Variants in ZFP28 observed in about 807,000 individuals in gnomAD.
ZFP28 encodes the protein ZFP28 zinc finger protein.
ZFP28 carries 31 observed loss-of-function variants against 39.5 expected under a neutral mutation model. The ratio of observed to expected loss-of-function variants is 0.79; its 90% CI spans 0.59 to 1.06. The LOEUF (loss-of-function observed/expected upper bound fraction) is 1.06, where lower values mean the gene tolerates loss of function less well. Ranked by LOEUF, ZFP28 falls within the 50% of genes least tolerant of loss-of-function variation. The pLI is 0.00. For synonymous variants in ZFP28, 400 were observed against 378.6 expected, an observed-to-expected ratio of 1.06 and a Z score of -0.66; for missense variants, 925 against 1,048.4, an observed-to-expected ratio of 0.88 and a Z score of 1.63.
Position 56,547,544 on chromosome 19 carries a change from T to C in ZFP28, c.337T>C (p.Ser113Pro). The change falls in exon 3 of 8, where the codon TCC (serine) becomes CCC (proline). Residue 113 changes from serine to proline, a missense_variant. Around this residue, in one of 2 missense-constraint regions of ZFP28, gnomAD observed 556 missense variants for 542.9 expected, o/e 1.02. Transcript: ENST00000301318. The surrounding 1 kb of genome is among the most constrained non-coding windows in gnomAD (Gnocchi z 4.6). ...VTFGDVAVDF[S>P]QEEWEWLNPI... is the part of the protein sequence containing the mutation. ...ATTTGGGGATGTGGCTGTAGATTTC[T>C]CCCAAGAGGAGTGGGAGTGGCTGAA... is the stretch of plus-strand genomic sequence containing the variant. 1 of 1,614,166 alleles carries C rather than the reference T, an allele frequency of 6.2e-7. No individual in the cohort carries two copies. Among genetic ancestry groups the C allele is most frequent in the Non-Finnish European group, 8.5e-7 (1 of 1,180,028 alleles).
At chr19:56,539,954 C>T (rs2044180957) in intron 2 of ZFP28, among the ~76,000 whole-genome samples, 1 of 152,160 alleles carries the variant, frequency 6.6e-6, no homozygotes, top group Non-Finnish European at 1.5e-5. Context: ...ATGATTCAGC[C>T]TCTCCCTTGT....
intron 4 of ZFP28, 115 bp from the exon 5 acceptor site, chr19:56,548,842 TA>T: frequency 1.8e-6 from 2 of 1,111,804 alleles, no homozygotes; most frequent in South Asian, 1.8e-5. Flanking sequence ...TTTTCTTCCA[TA>T]AAAATAAATG....
At position 56,554,331 on chromosome 19, in the gene ZFP28, G is replaced by T; in HGVS notation, c.1546G>T (p.Asp516Tyr). 6.2e-7 allele frequency: 1 copy of T among 1,614,028 alleles called. No homozygotes were observed. The highest frequency in any genetic ancestry group is 8.5e-7 in the Non-Finnish European group (1 of 1,180,006). ...CATCGATTGTGGGAAAGCCTTCAGT[G>T]ACCACATAGGGCTTAATCAACACAG... is the stretch of plus-strand genomic sequence containing the variant. ...DCIDCGKAFS[D>Y]HIGLNQHRRI... Residue 516 changes from aspartate to tyrosine, a missense_variant, in exon 8 of 8, where the codon GAC becomes TAC. Asp to Tyr is a radical substitution (Grantham distance 160, BLOSUM62 -3). Coordinates refer to ENST00000301318, the MANE Select transcript of ZFP28 (RefSeq NM_020828.2). This position sits in a 1 kb window ranked among gnomAD's most constrained non-coding sequence, Gnocchi z 6.7.
Position 56,554,007 on chromosome 19 carries a change from A to G in ZFP28, c.1222A>G (p.Ile408Val). ...AAATTTTCAAAAAAGTTCAGTGGTA[A>G]TAAAACAAACAGGCATCTATGCAGG... The part of the protein sequence containing the change: ...IKNFQKSSVV[I>V]KQTGIYAGKK... The change falls in exon 8 of 8, where the codon ATA becomes GTA. Residue 408 changes from isoleucine to valine, a missense_variant. Physicochemically the swap from Ile to Val is conservative, Grantham distance 29 (BLOSUM62 3). This residue lies in a region of ZFP28 where 556 missense variants were observed against 542.9 expected (regional missense o/e 1.02). Transcript: ENST00000301318. The surrounding 1 kb of genome is among the most constrained non-coding windows in gnomAD (Gnocchi z 6.7). 6.2e-7 allele frequency: 1 copy of G among 1,612,170 alleles called. No homozygotes were observed. The highest frequency in any genetic ancestry group is 8.5e-7 in the Non-Finnish European group (1 of 1,179,590).
chr19:56,547,300 G>T lies in ZFP28; in HGVS notation c.301-208G>T. On this transcript the variant is annotated intron_variant, in intron 2 of 7. Coordinates refer to ENST00000301318, the MANE Select transcript of ZFP28 (RefSeq NM_020828.2). The surrounding 1 kb of genome is among the most constrained non-coding windows in gnomAD (Gnocchi z 4.6). ...TTTTAATAAGGACACCAGACAGATT[G>T]GGTTAGGGCCCCACCCATATGACCT... 1 of 634,722 alleles carries T rather than the reference G, an allele frequency of 1.6e-6. No homozygotes were observed. Among genetic ancestry groups the T allele is most frequent in the Non-Finnish European group, 2.7e-6 (1 of 375,330 alleles). 39.3% of individuals were successfully genotyped at this position (634,722 alleles called of 1,614,324 possible). A position where few individuals can be genotyped will look rare whatever the true frequency, so the allele number is the denominator to read the frequency against.
chr19:56,542,563 TCA>T (rs2044204920), intron 2 of ZFP28, among the ~76,000 whole-genome samples: 1 of 152,366 alleles, frequency 6.6e-6, no homozygotes, highest in African/African-American at 2.4e-5. Flanking sequence ...TTAATTTATC[TCA>T]GTTTCTCTTG....
At chr19:56,553,587 C>A in intron 7 of ZFP28, 97 bp from the exon 8 acceptor site, 2 of 1,436,042 alleles carry the variant, frequency 1.4e-6, no homozygotes, top group Admixed American at 2.4e-5. Context: ...TTGATGAATT[C>A]ACCAATTAGT....
chr19:56,550,259 G>A (rs776373627), intron 6 of ZFP28, 78 bp downstream of exon 6: 41 of 1,363,384 alleles, frequency 3.0e-5, no homozygotes, highest in Non-Finnish European at 4.2e-5. Context: ...AATTATGGAG[G>A]AGGGAGGGGG....
At chr19:56,551,862 C>A (rs1201593646) in intron 7 of ZFP28, 1 of 982,530 alleles carries the variant, frequency 1.0e-6, no homozygotes, top group Non-Finnish European at 1.2e-6. Context: ...GTCTCAGTGA[C>A]TGCTATGTAT....
At chr19:56,537,618 A>G (rs984591514), upstream of ZFP28, 2 of 152,354 alleles carry the variant, frequency 1.3e-5, no homozygotes, top group East Asian at 1.9e-4. Flanking sequence ...AGCCTTTTCT[A>G]TGAGACTGAA....
chr19:56,544,079 G>A (rs568933326), intron 2 of ZFP28, among the ~76,000 whole-genome samples: 2 of 152,336 alleles, frequency 1.3e-5, no homozygotes, highest in South Asian at 4.1e-4. Context: ...GTTAAGATGT[G>A]TATAGTGCCT....
rs10409531 is a variant in ZFP28, at chr19:56,554,644, C to T, written c.1859C>T (p.Ala620Val). 548,076 of 1,613,836 alleles carry T rather than the reference C, an allele frequency of 0.34. 96,778 individuals carry two copies. The highest frequency in any genetic ancestry group is 0.57 in the African/African-American group (42,402 of 74,902). The change falls in exon 8 of 8, where the codon GCG (alanine) becomes GTG (valine). Residue 620 changes from alanine to valine, a missense_variant. Around this residue, in one of 2 missense-constraint regions of ZFP28, gnomAD observed 369 missense variants for 505.5 expected, o/e 0.73. Transcript: ENST00000301318. This position sits in a 1 kb window ranked among gnomAD's most constrained non-coding sequence, Gnocchi z 6.7. ...IHTGEKPFEC[A>V]ECGKSFSISS... is the part of the protein sequence containing the mutation. Reference sequence around the variant, plus strand: ...ACTGGGGAGAAGCCTTTTGAATGTGCGGAGTGTGGAAAATCCTTCAGCATC... The same window carrying T: ...ACTGGGGAGAAGCCTTTTGAATGTGTGGAGTGTGGAAAATCCTTCAGCATC...
At position 56,547,420 on chromosome 19, in the gene ZFP28, CAG is replaced by C; in HGVS notation, c.301-87_301-86del. ...TAGGAGTTTAATGTAGGAGTTTTGT[CAG>C]GGGACACATTTCTTTCTATAACAAA... On this transcript the variant is annotated intron_variant, in intron 2 of 7. Transcript: ENST00000301318. This position sits in a 1 kb window ranked among gnomAD's most constrained non-coding sequence, Gnocchi z 4.6. 6.3e-7 allele frequency: 1 copy of C among 1,589,906 alleles called. No homozygotes were observed. The highest frequency in any genetic ancestry group is 8.6e-7 in the Non-Finnish European group (1 of 1,164,040).
In ZFP28 at chr19:56,550,111, G is replaced by C. The variant is rs1022136995; in HGVS notation, c.732G>C (p.Gln244His). The C allele has an allele frequency of 1.2e-6, 2 of 1,613,236 alleles. No individual in the cohort carries two copies. Among genetic ancestry groups the C allele is most frequent in the East Asian group, 4.5e-5 (2 of 44,880 alleles). The change falls in exon 6 of 8, where the codon CAG becomes CAC. Residue 244 changes from glutamine (Q) to histidine (H), a missense_variant. Gln to His is a conservative substitution (Grantham distance 24, BLOSUM62 0). Transcript: ENST00000301318. ...ACCTGGCTGTTGACTTCCGCCAGCA[G>C]CTACACCCAGCTCAGAAGAATTTCT... ...IKNLAVDFRQ[Q>H]LHPAQKNFCK...
chr19:56,543,975 G>A (rs560343623), intron 2 of ZFP28, among the ~76,000 whole-genome samples: 20 of 152,284 alleles, frequency 1.3e-4, no homozygotes, highest in African/African-American at 2.6e-4. Context: ...TAATCATTGC[G>A]TAACCTTCAG....
Position 56,555,518 on chromosome 19 carries a change from C to A in ZFP28, c.*126C>A. The A allele has an allele frequency of 7.8e-7, 1 of 1,287,894 alleles. No individual in the cohort carries two copies. The highest frequency in any genetic ancestry group is 2.3e-5 in the East Asian group (1 of 42,876). 79.8% of individuals were successfully genotyped at this position (1,287,894 alleles called of 1,614,324 possible). On this transcript the variant is annotated 3_prime_UTR_variant, in exon 8 of 8. Coordinates refer to ENST00000301318, the MANE Select transcript of ZFP28 (RefSeq NM_020828.2). The stretch of plus-strand genomic sequence containing the variant: ...AAGTGTAAATGTAACTTATTCACTC[C>A]TCTTGTAAAACTTATAGTTTCTTTA...
intron 7 of ZFP28, chr19:56,551,757 CA>C (rs2044306032): frequency 1.0e-6 from 1 of 984,064 alleles, no homozygotes; most frequent in African/African-American, 1.7e-5. Flanking sequence ...AGAAGTTGAA[CA>C]TTTTTTCGTA....
In ZFP28 at chr19:56,547,871, G is replaced by A. The variant is rs2044257716; in HGVS notation, c.492G>A (p.Val164=). 1 of 1,614,064 alleles carries A rather than the reference G, an allele frequency of 6.2e-7. No homozygotes were observed. The highest frequency in any genetic ancestry group is 8.5e-7 in the Non-Finnish European group (1 of 1,180,036). ...SLEQGKEPWT[V]KRKMTRAWCP... ...AACAAGGAAAAGAGCCTTGGACAGTGAAGCGAAAGATGACAAGAGCCTGGT... is the reference window on the plus strand; with the variant it reads ...AACAAGGAAAAGAGCCTTGGACAGTAAAGCGAAAGATGACAAGAGCCTGGT... The change falls in exon 4 of 8, where the codon GTG becomes GTA. Residue 164 remains valine, a synonymous_variant. Coordinates refer to ENST00000301318, the MANE Select transcript of ZFP28 (RefSeq NM_020828.2). The surrounding 1 kb of genome is among the most constrained non-coding windows in gnomAD (Gnocchi z 4.6).
intron 2 of ZFP28, among the ~76,000 whole-genome samples, chr19:56,544,259 C>G (rs939947159): frequency 6.6e-6 from 1 of 152,186 alleles, no homozygotes; most frequent in African/African-American, 2.4e-5. Flanking sequence ...TAGGCCAAAT[C>G]CAGCCCACCA....
Sources: allele counts gnomAD v4.1 joint callset (sites outside exome capture counted in the v4.1 genomes callset), GRCh38; gene constraint gnomAD v4.1.1; regional missense constraint gnomAD v4.1.1; non-coding constraint Gnocchi (gnomAD v3.1); transcripts MANE v1.5; gene names NCBI Gene and HGNC (gene_info 2026-07-23, HGNC 2026-07-21).